The following BBOF1 variants were observed in gnomAD, a reference collection of about 807,000 sequenced individuals.
The protein encoded by BBOF1 is basal body-orientation factor 1.
A neutral mutation model predicts 68.0 loss-of-function variants in BBOF1; 62 were observed. The observed-to-expected ratio is 0.91, with a 90% confidence interval of 0.74 to 1.13. The LOEUF is 1.13. BBOF1 is among the 50% of genes most tolerant of loss of function. The probability of loss-of-function intolerance (pLI) is 0.00; values close to 1 mark genes in which losing one functional copy is unlikely to be tolerated. For missense variants in BBOF1, 534 were observed against 600.1 expected (o/e 0.89, Z 1.15); for synonymous variants, 208 against 198.8 (o/e 1.05, Z -0.39).
intron 9 of BBOF1, among the ~76,000 whole-genome samples, chr14:74,078,013 G>A (rs2060631853): frequency 6.6e-6 from 1 of 152,182 alleles, no homozygotes; most frequent in Non-Finnish European, 1.5e-5. Context: ...AGCTGAGGCA[G>A]GAGGATCTCT....
chr14:74,033,815 A>G (rs945111730), intron 3 of BBOF1, among the ~76,000 whole-genome samples: 1 of 151,828 alleles, frequency 6.6e-6, no homozygotes, highest in Non-Finnish European at 1.5e-5. Flanking sequence ...GCCGTGAGCC[A>G]AGATCGCGCC....
At position 74,019,420 on chromosome 14, in the gene BBOF1, G is replaced by T. The variant is rs1208612127; in HGVS notation, c.-59G>T. ...GCGTCCCGGTTCCCTTGGAGACAGA[G>T]CTGGCCAGGGCGGCCGCGGCTGGGC... On this transcript the variant is annotated 5_prime_UTR_variant, in exon 1 of 12. Transcript: ENST00000394009. 3.8e-6 allele frequency: 6 copies of T among 1,563,942 alleles called. No individual in the cohort carries two copies. The South Asian group carries it at 5.9e-5, about 15-fold the overall frequency.
In BBOF1 at chr14:74,064,912, C is replaced by T. The variant is rs1271912078; in HGVS notation, c.*213C>T. ...GCAAAGGCACTGGAATGGGGACATTCACTCCCACCTAAAACAGAACAAATC... is the reference window on the plus strand; with the variant it reads ...GCAAAGGCACTGGAATGGGGACATTTACTCCCACCTAAAACAGAACAAATC... On this transcript the variant is annotated 3_prime_UTR_variant, in exon 12 of 12. Coordinates refer to ENST00000394009, the MANE Select transcript of BBOF1 (RefSeq NM_025057.3). 6.2e-7 allele frequency: 1 copy of T among 1,613,518 alleles called. No homozygotes were observed. The highest frequency in any genetic ancestry group is 8.5e-7 in the Non-Finnish European group (1 of 1,179,754).
Position 74,034,156 on chromosome 14 carries a change from G to T in BBOF1, c.480G>T (p.Glu160Asp). ...TCCAGAAGAGAAAAATCCAAGTGGA[G>T]AGAGAGTTAGATGATGTAAGTTTCA... Reference protein sequence around the residue: ...RQFQKRKIQVERELDDLKENL... With the variant: ...RQFQKRKIQVDRELDDLKENL... Residue 160 changes from glutamate to aspartate, a missense_variant, in exon 4 of 12, where the codon GAG becomes GAT. Coordinates refer to ENST00000394009, the MANE Select transcript of BBOF1 (RefSeq NM_025057.3). The T allele has an allele frequency of 1.9e-6, 3 of 1,570,934 alleles. No individual in the cohort carries two copies.
rs1388823927 is a variant in BBOF1 at position 74,065,053 on chromosome 14, AGGAAGAAATGG to A, written c.*357_*367del. 7.2e-7 allele frequency: 1 copy of A among 1,397,406 alleles called. No individual in the cohort carries two copies. Among genetic ancestry groups the A allele is most frequent in the African/African-American group, 1.4e-5 (1 of 69,926 alleles). 86.6% of individuals were successfully genotyped at this position (1,397,406 alleles called of 1,614,324 possible). On this transcript the variant is annotated 3_prime_UTR_variant, in exon 12 of 12. Coordinates refer to ENST00000394009, the MANE Select transcript of BBOF1 (RefSeq NM_025057.3). ...TCTACCCCATGAACTTTCATTCCTGAGGAAGAAATGGGGCAATGTGGGAGGTCATGGGGGCA... is the reference window on the plus strand; with the variant it reads ...TCTACCCCATGAACTTTCATTCCTGAGGCAATGTGGGAGGTCATGGGGGCA...
chr14:74,063,331 C>A (rs1200213583), intron 11 of BBOF1, among the ~76,000 whole-genome samples: 3 of 151,690 alleles, frequency 2.0e-5, no homozygotes, highest in African/African-American at 7.3e-5. Context: ...GGATTATAGG[C>A]ACCTGCCACC....
intron 3 of BBOF1, 141 bp from the exon 4 acceptor site, chr14:74,033,887 T>TA (rs1354484486): frequency 8.0e-6 from 3 of 376,876 alleles, no homozygotes; most frequent in South Asian, 7.4e-5. Context: ...ATAAAATAAA[T>TA]AAATAAATAA....
chr14:74,075,836 C>T (rs2139805006), intron 9 of BBOF1, among the ~76,000 whole-genome samples: 1 of 152,132 alleles, frequency 6.6e-6, no homozygotes, highest in East Asian at 1.9e-4. Context: ...CCAATGTCTA[C>T]CATTGGATGG....
chr14:74,050,176 C>T lies in BBOF1; in HGVS notation c.1267C>T (p.Leu423Phe). ...CAGCACCAATAGTGTGAATCAGGAT[C>T]TTCTGGAGGCCGAAAAATGGTACTA... Reference protein sequence around the residue: ...EHSTNSVNQDLLEAEKWTHIE... With the variant: ...EHSTNSVNQDFLEAEKWTHIE... Residue 423 changes from leucine (L) to phenylalanine (F), a missense_variant, in exon 8 of 12, where the codon CTT becomes TTT. Coordinates refer to ENST00000394009, the MANE Select transcript of BBOF1 (RefSeq NM_025057.3). 9 of 1,545,240 alleles carry T rather than the reference C, an allele frequency of 5.8e-6. No homozygotes were observed. Among genetic ancestry groups the T allele is most frequent in the East Asian group, 4.5e-5 (2 of 44,194 alleles).
At chr14:74,039,234 T>C (rs2059778385) in intron 4 of BBOF1, among the ~76,000 whole-genome samples, 1 of 152,198 alleles carries the variant, frequency 6.6e-6, no homozygotes, top group African/African-American at 2.4e-5. Flanking sequence ...CTTTATATAT[T>C]GTGAACATTT....
chr14:74,020,032 A>C (rs1326346914), intron 1 of BBOF1, among the ~76,000 whole-genome samples: 6 of 152,246 alleles, frequency 3.9e-5, no homozygotes, highest in Non-Finnish European at 8.8e-5. Flanking sequence ...TTGTAAAGTA[A>C]CTTAAGAGAG....
At chr14:74,059,888 C>T (rs1472195700) in intron 11 of BBOF1, 1 of 153,262 alleles carries the variant, frequency 6.5e-6, no homozygotes, top group African/African-American at 2.4e-5. Context: ...TAATAGTGGT[C>T]ATGAATTACT....
In BBOF1 at chr14:74,034,064, G is replaced by A. The variant is rs777914611; in HGVS notation, c.388G>A (p.Gly130Arg). 6.2e-7 allele frequency: 1 copy of A among 1,607,798 alleles called. No individual in the cohort carries two copies. Among genetic ancestry groups the A allele is most frequent in the East Asian group, 2.3e-5 (1 of 44,328 alleles). ...TACCAGGCAAATTAATGAACTAGAG[G>A]GACAGTTCCATCAAAAAGCCAAAGA... ...KYTRQINELE[G>R]QFHQKAKEIG... is the part of the protein sequence containing the mutation. The change falls in exon 4 of 12, where the codon GGA (glycine) becomes AGA (arginine). Residue 130 changes from glycine to arginine, a missense_variant. Transcript: ENST00000394009.
intron 3 of BBOF1, among the ~76,000 whole-genome samples, chr14:74,029,496 A>G (rs1216960056): frequency 6.6e-6 from 1 of 152,172 alleles, no homozygotes; most frequent in Non-Finnish European, 1.5e-5. Flanking sequence ...AGCCTGGCCA[A>G]CATGGTGAAA....
At chr14:74,051,128 T>C (rs565058859) in intron 8 of BBOF1, among the ~76,000 whole-genome samples, 2 of 151,982 alleles carry the variant, frequency 1.3e-5, no homozygotes, top group African/African-American at 4.8e-5. Flanking sequence ...CCTGTAATCC[T>C]AGCTACTTGG....
intron 3 of BBOF1, among the ~76,000 whole-genome samples, chr14:74,030,267 G>A (rs1316284459): frequency 4.0e-5 from 6 of 151,854 alleles, no homozygotes; most frequent in Non-Finnish European, 7.4e-5. Flanking sequence ...TGCCCAGGCT[G>A]GTCTTCAACT....
chr14:74,045,816 A>G (rs548024451), intron 5 of BBOF1, among the ~76,000 whole-genome samples: 2 of 152,156 alleles, frequency 1.3e-5, no homozygotes, highest in East Asian at 3.9e-4. Flanking sequence ...GCTTTCCAAC[A>G]TGGAATTGAA....
intron 4 of BBOF1, among the ~76,000 whole-genome samples, chr14:74,036,537 AG>A (rs1157836546): frequency 6.6e-6 from 1 of 152,052 alleles, no homozygotes; most frequent in Non-Finnish European, 1.5e-5. Flanking sequence ...TCCAAAAATT[AG>A]TCGGGCATGG....
chr14:74,069,523 G>C (rs537387080), downstream of BBOF1, among the ~76,000 whole-genome samples: 6 of 152,094 alleles, frequency 3.9e-5, no homozygotes, highest in African/African-American at 1.4e-4. Context: ...GGCCGAGGCA[G>C]GTGGATCACC....
Sources: allele counts gnomAD v4.1 joint callset (sites outside exome capture counted in the v4.1 genomes callset), GRCh38; gene constraint gnomAD v4.1.1; transcripts MANE v1.5; gene names NCBI Gene and HGNC (gene_info 2026-07-23, HGNC 2026-07-21).